Variants in ADAM7 observed in about 807,000 individuals in gnomAD.
ADAM7 encodes the protein disintegrin and metalloproteinase domain-containing protein 7.
Under a neutral mutation model 102.9 loss-of-function variants are expected in ADAM7, and 97 were observed. That is an observed-to-expected ratio of 0.94 (90% CI 0.80 to 1.12). The LOEUF is 1.12. Among genes scored for constraint, ADAM7 ranks in the 50% most tolerant of loss-of-function variants. The pLI, the probability that ADAM7 is intolerant of heterozygous loss-of-function variation, is 0.00. For missense variants in ADAM7, 991 were observed against 908.7 expected, an observed-to-expected ratio of 1.09 and a Z score of -1.16; for synonymous variants, 334 against 304.4, an observed-to-expected ratio of 1.10 and a Z score of -1.01.
chr8:24,484,254 A>T (rs897709696), intron 9 of ADAM7, among the ~76,000 whole-genome samples: 1 of 152,176 alleles, frequency 6.6e-6, no homozygotes, highest in Non-Finnish European at 1.5e-5. Flanking sequence ...AGAAAAATGG[A>T]GTGTATCTTA....
rs55708871 is a variant in ADAM7 at position 24,472,122 on chromosome 8, C to CA, written c.633+3318dup. Among the ~76,000 whole-genome samples, 11,495 of 102,608 alleles carry CA rather than the reference C, an allele frequency of 0.11. 1,002 individuals carry two copies. The highest frequency in any genetic ancestry group is 0.28 in the African/African-American group (8,422 of 30,418). The allele number at this position is 102,608 out of a possible 152,430, so 67.3% of individuals were successfully genotyped here. On this transcript the variant is annotated intron_variant, in intron 7 of 21. Transcript: ENST00000175238. Reference sequence around the variant, plus strand: ...CTAACAACAAAGTATAAAAAGATAACAAAAAAAAAAAAAAAACAGGTTTGC... The same window carrying CA: ...CTAACAACAAAGTATAAAAAGATAACAAAAAAAAAAAAAAAAACAGGTTTGC...
At chr8:24,497,553 A>C (rs1489685395) in intron 16 of ADAM7, among the ~76,000 whole-genome samples, 1 of 152,192 alleles carries the variant, frequency 6.6e-6, no homozygotes, top group Non-Finnish European at 1.5e-5. Context: ...GGAATGTTAA[A>C]ACTCAAAGAA....
intron 20 of ADAM7, among the ~76,000 whole-genome samples, chr8:24,503,418 A>C (rs1563399130): frequency 6.6e-6 from 1 of 152,188 alleles, no homozygotes. Context: ...ACACTTTTAC[A>C]TTGTTGGAGG....
intron 2 of ADAM7, among the ~76,000 whole-genome samples, chr8:24,445,147 C>T (rs2129372174): frequency 6.6e-6 from 1 of 152,204 alleles, no homozygotes; most frequent in Middle Eastern, 3.4e-3. Flanking sequence ...CACCATTACA[C>T]CCATACATGC....
Position 24,491,996 on chromosome 8 carries a change from C to A in ADAM7, c.1450C>A (p.Gln484Lys). 1.2e-6 allele frequency: 2 copies of A among 1,613,952 alleles called. No homozygotes were observed. Among genetic ancestry groups the A allele is most frequent in the East Asian group, 2.2e-5 (1 of 44,872 alleles). ...CCACTCGCCTGCCTGTCCTAAGGAC[C>A]AGTTCAGGGTCAATGGATTTCCTTG... Reference protein sequence around the residue: ...TGHSPACPKDQFRVNGFPCKN... With the variant: ...TGHSPACPKDKFRVNGFPCKN... Residue 484 changes from glutamine (Q) to lysine (K), a missense_variant, in exon 14 of 22, where the codon CAG becomes AAG. Transcript: ENST00000175238.
At chr8:24,504,646 G>A (rs1369831241) in intron 20 of ADAM7, among the ~76,000 whole-genome samples, 2 of 152,004 alleles carry the variant, frequency 1.3e-5, no homozygotes, top group East Asian at 3.9e-4. Context: ...GGATATTTTT[G>A]GTTGGTGGGG....
chr8:24,478,338 T>C (rs1446890824), intron 8 of ADAM7, among the ~76,000 whole-genome samples: 1 of 152,172 alleles, frequency 6.6e-6, no homozygotes, highest in African/African-American at 2.4e-5. Context: ...GCAGGTTTCT[T>C]CTTTGGGCCA....
In ADAM7 at chr8:24,473,355, A is replaced by G. The variant is rs536945279; in HGVS notation, c.634-3078A>G. Among the ~76,000 whole-genome samples, 4 of 152,286 alleles carry G rather than the reference A, an allele frequency of 2.6e-5. No individual in the cohort carries two copies. The South Asian group carries it at 8.3e-4, about 32-fold the overall frequency. On this transcript the variant is annotated intron_variant, in intron 7 of 21. Transcript: ENST00000175238. ...TTGTGTCCAATGGCTGGCTAGTCTA[A>G]GATGGCCTCAGTCATTTGCCTGGTA... is the stretch of plus-strand genomic sequence containing the variant.
chr8:24,473,646 A>G (rs778924015), intron 7 of ADAM7, among the ~76,000 whole-genome samples: 37 of 152,200 alleles, frequency 2.4e-4, no homozygotes, highest in Non-Finnish European at 5.1e-4. Context: ...ACAATCTATG[A>G]CAACTGATAA....
chr8:24,475,719 T>G (rs7002756), intron 7 of ADAM7, among the ~76,000 whole-genome samples: 3,132 of 152,164 alleles, frequency 0.021, 122 homozygotes, highest in African/African-American at 0.072. Context: ...GCAGGTTAAT[T>G]TCTTATTTTT....
intron 16 of ADAM7, among the ~76,000 whole-genome samples, chr8:24,494,578 A>C (rs555544281): frequency 6.6e-6 from 1 of 152,278 alleles, no homozygotes; most frequent in Non-Finnish European, 1.5e-5. Flanking sequence ...CCGCATAGAG[A>C]GCTTATTCCT....
intron 3 of ADAM7, among the ~76,000 whole-genome samples, chr8:24,456,281 C>T (rs763431091): frequency 3.3e-5 from 5 of 152,228 alleles, no homozygotes; most frequent in Admixed American, 6.5e-5. Context: ...CAATTCCACA[C>T]ATGTTGTCAT....
chr8:24,494,251 T>G (rs1186576767), intron 16 of ADAM7, among the ~76,000 whole-genome samples: 1 of 152,228 alleles, frequency 6.6e-6, no homozygotes, highest in Non-Finnish European at 1.5e-5. Context: ...TTTGAGTCTA[T>G]ATATTTAACT....
At chr8:24,455,288 T>C (rs967204875) in intron 3 of ADAM7, among the ~76,000 whole-genome samples, 1 of 152,214 alleles carries the variant, frequency 6.6e-6, no homozygotes, top group South Asian at 2.1e-4. Flanking sequence ...CATCTATCCA[T>C]TCATCCATCA....
In ADAM7 at chr8:24,442,521, A is replaced by C; in HGVS notation, c.101A>C (p.Lys34Thr). 3 of 1,614,154 alleles carry C rather than the reference A, an allele frequency of 1.9e-6. No individual in the cohort carries two copies. Among genetic ancestry groups the C allele is most frequent in the Non-Finnish European group, 2.5e-6 (3 of 1,180,016 alleles). ...VEGQQLVRPKKLPLIQKRDTG... is the reference protein window; with the variant it reads ...VEGQQLVRPKTLPLIQKRDTG... Reference sequence around the variant, plus strand: ...GGTCAACAACTGGTTCGTCCTAAAAAGCTTCCTCTGATACAGAAGCGAGAT... The same window carrying C: ...GGTCAACAACTGGTTCGTCCTAAAACGCTTCCTCTGATACAGAAGCGAGAT... The change falls in exon 2 of 22, where the codon AAG becomes ACG. Residue 34 changes from lysine (K) to threonine (T), a missense_variant. By Grantham distance (78) the Lys-to-Thr change is moderately conservative (BLOSUM62 -1). Coordinates refer to ENST00000175238, the MANE Select transcript of ADAM7 (RefSeq NM_003817.4).
At chr8:24,456,632 AT>A (rs71212541) in intron 3 of ADAM7, among the ~76,000 whole-genome samples, 129,208 of 137,102 alleles carry the variant, frequency 0.94, 60,901 homozygotes, top group East Asian at 0.97. Flanking sequence ...TGTCCTGGGA[AT>A]TTTTTTTTTT....
intron 21 of ADAM7, 100 bp downstream of exon 21, chr8:24,507,635 C>T: frequency 1.1e-6 from 1 of 943,602 alleles, no homozygotes; most frequent in Non-Finnish European, 1.6e-6. Flanking sequence ...GGGACATCCT[C>T]TGTACTTATC....
At chr8:24,477,889 G>A (rs753571551) in intron 8 of ADAM7, among the ~76,000 whole-genome samples, 1 of 151,962 alleles carries the variant, frequency 6.6e-6, no homozygotes, top group Non-Finnish European at 1.5e-5. Context: ...GCCTACTGAT[G>A]TACTCATCAA....
intron 16 of ADAM7, among the ~76,000 whole-genome samples, chr8:24,497,984 A>G (rs1382042357): frequency 1.3e-5 from 2 of 152,092 alleles, no homozygotes; most frequent in African/African-American, 4.8e-5. Flanking sequence ...AAAGCAATGC[A>G]ATGATACTCT....
Sources: allele counts gnomAD v4.1 joint callset (sites outside exome capture counted in the v4.1 genomes callset), GRCh38; gene constraint gnomAD v4.1.1; transcripts MANE v1.5; gene names NCBI Gene and HGNC (gene_info 2026-07-23, HGNC 2026-07-21).